FOXO1: variants seen among roughly 807,000 people sequenced by gnomAD.
FOXO1 encodes the protein forkhead box protein O1.
A neutral mutation model predicts 44.1 loss-of-function variants in FOXO1; 6 were observed. The ratio of observed to expected loss-of-function variants is 0.14; its 90% CI spans 0.07 to 0.27. The LOEUF is 0.27. Among genes scored for constraint, FOXO1 ranks in the 10% least tolerant of loss-of-function variants. The probability of loss-of-function intolerance (pLI) is 1.00; values close to 1 mark genes in which losing one functional copy is unlikely to be tolerated. For synonymous variants in FOXO1, 380 were observed against 362.7 expected (o/e 1.05, Z -0.54); for missense variants, 737 against 888.8 (o/e 0.83, Z 2.17).
intron 1 of FOXO1, among the ~76,000 whole-genome samples, chr13:40,657,187 C>A (rs555975918): frequency 2.4e-4 from 37 of 152,124 alleles, no homozygotes; most frequent in African/African-American, 8.0e-4. Context: ...TGCATTTACA[C>A]AGATATATGA....
chr13:40,581,315 G>A (rs1289877615), intron 1 of FOXO1, among the ~76,000 whole-genome samples: 2 of 152,178 alleles, frequency 1.3e-5, no homozygotes, highest in Non-Finnish European at 2.9e-5. Flanking sequence ...ATACTCATGA[G>A]AACTTGCAGA....
intron 1 of FOXO1, among the ~76,000 whole-genome samples, chr13:40,628,711 G>T (rs755646003): frequency 4.6e-5 from 7 of 152,158 alleles, no homozygotes; most frequent in Non-Finnish European, 1.0e-4. Flanking sequence ...GAGACCTGGT[G>T]GGAGGTAACA....
intron 1 of FOXO1, among the ~76,000 whole-genome samples, chr13:40,589,496 A>C (rs1875291473): frequency 6.6e-6 from 1 of 152,210 alleles, no homozygotes; most frequent in South Asian, 2.1e-4. Context: ...AAATAACAGA[A>C]TATTTCAGAG....
intron 1 of FOXO1, among the ~76,000 whole-genome samples, chr13:40,647,930 C>T (rs116879506): frequency 6.6e-6 from 1 of 152,180 alleles, no homozygotes; most frequent in African/African-American, 2.4e-5. Context: ...TCTATGCCTG[C>T]AGAGTCTGGT....
chr13:40,588,408 G>A (rs1290812783), intron 1 of FOXO1, among the ~76,000 whole-genome samples: 1 of 152,020 alleles, frequency 6.6e-6, no homozygotes, highest in Non-Finnish European at 1.5e-5. Context: ...CCATTTATTG[G>A]GCTAAAAAGG....
At chr13:40,630,548 G>C (rs367743156) in intron 1 of FOXO1, among the ~76,000 whole-genome samples, 1 of 151,956 alleles carries the variant, frequency 6.6e-6, no homozygotes, top group African/African-American at 2.4e-5. Context: ...CCAGCTACTC[G>C]GAAGGCTGAG....
chr13:40,632,266 G>A (rs962213849), intron 1 of FOXO1, among the ~76,000 whole-genome samples: 10 of 152,126 alleles, frequency 6.6e-5, no homozygotes, highest in South Asian at 2.1e-4. Context: ...GCGAGACTCC[G>A]TCTCAAAAAC....
Position 40,666,248 on chromosome 13 carries a change from C to A in FOXO1, c.-36G>T. 7.3e-7 allele frequency: 1 copy of A among 1,362,610 alleles called. No homozygotes were observed. The highest frequency in any genetic ancestry group is 9.5e-7 in the Non-Finnish European group (1 of 1,057,250). 84.4% of individuals were successfully genotyped at this position (1,362,610 alleles called of 1,614,324 possible). On this transcript the variant is annotated 5_prime_UTR_variant, in exon 1 of 3. Coordinates refer to ENST00000379561, the MANE Select transcript of FOXO1 (RefSeq NM_002015.4). Reference sequence around the variant, plus strand: ...GCCCCTCCCCCAGCCGCAGGAGAGCCAAGAGGGGGAGAACGCAGCACTGGG... The same window carrying A: ...GCCCCTCCCCCAGCCGCAGGAGAGCAAAGAGGGGGAGAACGCAGCACTGGG...
intron 1 of FOXO1, among the ~76,000 whole-genome samples, chr13:40,595,958 T>G (rs989062518): frequency 3.3e-5 from 5 of 150,962 alleles, no homozygotes; most frequent in Non-Finnish European, 5.9e-5. Context: ...TTTTTTTTTT[T>G]GCGGGAAGGA....
At chr13:40,584,160 A>G (rs1875061139) in intron 1 of FOXO1, among the ~76,000 whole-genome samples, 2 of 152,118 alleles carry the variant, frequency 1.3e-5, no homozygotes, top group South Asian at 4.1e-4. Context: ...TATGGGTATT[A>G]GAATTTTTTT....
intron 1 of FOXO1, among the ~76,000 whole-genome samples, chr13:40,662,426 G>C (rs1878068035): frequency 6.6e-6 from 1 of 152,080 alleles, no homozygotes; most frequent in African/African-American, 2.4e-5. Flanking sequence ...TGGAAATGAA[G>C]TTTCATTATT....
chr13:40,630,107 G>A (rs1275446615), intron 1 of FOXO1, among the ~76,000 whole-genome samples: 2 of 152,112 alleles, frequency 1.3e-5, no homozygotes, highest in African/African-American at 4.8e-5. Flanking sequence ...ATAAGGGAAG[G>A]AGGTTTAAAA....
chr13:40,567,235 C>T (rs746425398), intron 1 of FOXO1, among the ~76,000 whole-genome samples: 17 of 152,138 alleles, frequency 1.1e-4, no homozygotes, highest in South Asian at 2.1e-4. Context: ...AAAAATAATG[C>T]AAAACCTCAA....
intron 1 of FOXO1, among the ~76,000 whole-genome samples, chr13:40,578,014 G>C (rs1372577628): frequency 1.3e-5 from 2 of 152,152 alleles, no homozygotes; most frequent in African/African-American, 4.8e-5. Flanking sequence ...TAAGAACATG[G>C]ATGCAGAATG....
At chr13:40,602,530 A>T (rs1189249967) in intron 1 of FOXO1, among the ~76,000 whole-genome samples, 1 of 152,226 alleles carries the variant, frequency 6.6e-6, no homozygotes, top group Non-Finnish European at 1.5e-5. Context: ...CGAAAAAAAG[A>T]AAGAAATTCA....
chr13:40,640,545 C>T (rs1017275152), intron 1 of FOXO1, among the ~76,000 whole-genome samples: 1 of 152,210 alleles, frequency 6.6e-6, no homozygotes, highest in Non-Finnish European at 1.5e-5. Context: ...GAGCAGGTCA[C>T]TTCGCTTCTC....
At chr13:40,607,736 G>A (rs1365424758) in intron 1 of FOXO1, among the ~76,000 whole-genome samples, 3 of 152,242 alleles carry the variant, frequency 2.0e-5, no homozygotes, top group Non-Finnish European at 4.4e-5. Flanking sequence ...CAACACAAAG[G>A]TGAGAATGGA....
At chr13:40,639,423 G>A (rs961842708) in intron 1 of FOXO1, among the ~76,000 whole-genome samples, 5 of 152,178 alleles carry the variant, frequency 3.3e-5, no homozygotes. Context: ...AGTTTTAGGT[G>A]CAGTAAATAA....
chr13:40,579,114 A>C (rs773885937), intron 1 of FOXO1, among the ~76,000 whole-genome samples: 92 of 152,334 alleles, frequency 6.0e-4, no homozygotes, highest in African/African-American at 2.0e-3. Flanking sequence ...ACAGAATTGT[A>C]ATGGGTATAA....
Sources: allele counts gnomAD v4.1 joint callset (sites outside exome capture counted in the v4.1 genomes callset), GRCh38; gene constraint gnomAD v4.1.1; transcripts MANE v1.5; gene names NCBI Gene and HGNC (gene_info 2026-07-23, HGNC 2026-07-21).